MED4: variants seen among roughly 807,000 people sequenced by gnomAD.
MED4 encodes mediator complex subunit 4.
Under a neutral mutation model 35.0 loss-of-function variants are expected in MED4, and 21 were observed. The observed-to-expected ratio is 0.60, with a 90% CI of 0.43 to 0.86. The LOEUF (loss-of-function observed/expected upper bound fraction) is 0.86, where lower values mean the gene tolerates loss of function less well. Among genes scored for constraint, MED4 ranks in the 40% least tolerant of loss-of-function variants. The probability of loss-of-function intolerance (pLI) is 0.00; values close to 1 mark genes in which losing one functional copy is unlikely to be tolerated. For missense variants in MED4, 300 were observed against 319.4 expected, an observed-to-expected ratio of 0.94 and a Z score of 0.46; for synonymous variants, 138 against 114.0, an observed-to-expected ratio of 1.21 and a Z score of -1.34.
At chr13:48,092,868 T>C (rs1295859023) in intron 1 of MED4, among the ~76,000 whole-genome samples, 1 of 152,170 alleles carries the variant, frequency 6.6e-6, no homozygotes, top group African/African-American at 2.4e-5. Context: ...TCCTCTGTTC[T>C]TGCAAATCTG....
chr13:48,080,061 T>C (rs943811171), intron 5 of MED4, 86 bp from the exon 6 acceptor site: 15 of 1,456,624 alleles, frequency 1.0e-5, no homozygotes, highest in Non-Finnish European at 1.3e-5. Context: ...TTTTCGCTGG[T>C]TCATGCTGAA....
Position 48,079,877 on chromosome 13 carries a change from G to C in MED4, c.607C>G (p.Pro203Ala). 1 of 1,613,756 alleles carries C rather than the reference G, an allele frequency of 6.2e-7. No individual in the cohort carries two copies. The highest frequency in any genetic ancestry group is 8.5e-7 in the Non-Finnish European group (1 of 1,179,832). Residue 203 changes from proline (P) to alanine (A), a missense_variant, in exon 6 of 7, where the codon CCA becomes GCA. Physicochemically the swap from Pro to Ala is conservative, Grantham distance 27. Coordinates refer to ENST00000258648, the MANE Select transcript of MED4 (RefSeq NM_014166.4). ...PSTNGVNGHL[P>A]GDALAAGRLP... ...CTTCCTGCTGCAAGTGCATCTCCTG[G>C]TAAATGGCCATTCACGCCATTAGTG...
chr13:48,088,540 T>TA (rs1950869005), intron 2 of MED4, among the ~76,000 whole-genome samples: 2 of 152,258 alleles, frequency 1.3e-5, no homozygotes, highest in South Asian at 4.1e-4. Context: ...CTATAAAAGC[T>TA]GTATTATTAA....
intron 6 of MED4, 116 bp downstream of exon 6, chr13:48,079,728 C>T: frequency 8.9e-7 from 1 of 1,125,966 alleles, no homozygotes; most frequent in Non-Finnish European, 1.2e-6. Context: ...CTCAAATTTA[C>T]AAAAAAAAAA....
chr13:48,077,805 T>C (rs115004879), intron 6 of MED4, among the ~76,000 whole-genome samples: 1,874 of 152,292 alleles, frequency 0.012, 49 homozygotes, highest in African/African-American at 0.043. Flanking sequence ...GGGACTTTTT[T>C]AAAAAAATCA....
At chr13:48,080,085 A>G in intron 5 of MED4, 110 bp from the exon 6 acceptor site, 1 of 1,267,014 alleles carries the variant, frequency 7.9e-7, no homozygotes, top group Non-Finnish European at 1.1e-6. Flanking sequence ...TTCAGGCTAC[A>G]TTTTCAATTT....
At chr13:48,086,149 G>T in intron 3 of MED4, 133 bp downstream of exon 3, 1 of 769,092 alleles carries the variant, frequency 1.3e-6, no homozygotes, top group Non-Finnish European at 2.1e-6. Flanking sequence ...ACTGGCAATG[G>T]TGAGTGACAA....
intron 1 of MED4, among the ~76,000 whole-genome samples, chr13:48,090,980 A>C (rs1337428435): frequency 6.6e-6 from 1 of 152,210 alleles, no homozygotes; most frequent in African/African-American, 2.4e-5. Context: ...GGCAGAGTTG[A>C]GTTGTTACAG....
intron 5 of MED4, 141 bp downstream of exon 5, chr13:48,081,504 T>C: frequency 2.0e-6 from 1 of 493,598 alleles, no homozygotes. Flanking sequence ...TATCATTACT[T>C]ATAAACCATT....
chr13:48,085,483 GC>G (rs1348410330), intron 3 of MED4, among the ~76,000 whole-genome samples: 1 of 152,180 alleles, frequency 6.6e-6, no homozygotes, highest in African/African-American at 2.4e-5. Flanking sequence ...TAGCCACCAT[GC>G]CCGGCCTGAT....
intron 3 of MED4, among the ~76,000 whole-genome samples, chr13:48,083,843 A>G (rs114126369): frequency 0.013 from 1,920 of 152,260 alleles, 45 homozygotes; most frequent in African/African-American, 0.044. Context: ...ATTCGTTTAT[A>G]TATCAGCTCA....
intron 1 of MED4, 121 bp downstream of exon 1, chr13:48,094,833 G>A (rs1593551205): frequency 7.0e-7 from 1 of 1,427,492 alleles, no homozygotes; most frequent in South Asian, 1.3e-5. Context: ...TCATGCACCC[G>A]AAACTCCCGA....
intron 4 of MED4, among the ~76,000 whole-genome samples, chr13:48,082,688 G>A (rs1241241688): frequency 1.3e-5 from 2 of 152,186 alleles, no homozygotes; most frequent in African/African-American, 4.8e-5. Flanking sequence ...TTAGCCGGGT[G>A]TGGTGGCGGG....
chr13:48,077,112 A>G lies in MED4; in HGVS notation c.*27T>C, dbSNP rs1950765518. 1 of 1,565,466 alleles carries G rather than the reference A, an allele frequency of 6.4e-7. No individual in the cohort carries two copies. Among genetic ancestry groups the G allele is most frequent in the Non-Finnish European group, 8.7e-7 (1 of 1,155,540 alleles). ...AAGAAACAGAATTCTACAGTATTCA[A>G]TTCTGTATATTGTCTTTTAAGGTTT... is the stretch of plus-strand genomic sequence containing the variant. On this transcript the variant is annotated 3_prime_UTR_variant, in exon 7 of 7. Transcript: ENST00000258648.
rs1950758610 is a variant in MED4, at chr13:48,076,355, T to C, written c.*784A>G. On this transcript the variant is annotated 3_prime_UTR_variant, in exon 7 of 7. Coordinates refer to ENST00000258648, the MANE Select transcript of MED4 (RefSeq NM_014166.4). ...GGGAAGAAATGGTTGCTTTCCATTC[T>C]AAATCTTCACACAATCTATTCTTAA... 1 of 152,164 alleles carries C rather than the reference T, an allele frequency of 6.6e-6. No individual in the cohort carries two copies. The highest frequency in any genetic ancestry group is 2.4e-5 in the African/African-American group (1 of 41,442). The allele number at this position is 152,164 out of a possible 1,614,324, so 9.4% of individuals were successfully genotyped here. A position where few individuals can be genotyped will look rare whatever the true frequency, so the allele number is the denominator to read the frequency against.
chr13:48,079,776 G>T, intron 6 of MED4, 68 bp downstream of exon 6: 2 of 1,540,112 alleles, frequency 1.3e-6, no homozygotes, highest in Non-Finnish European at 1.8e-6. Context: ...TTTACCGCCA[G>T]ATATTCCAAC....
intron 1 of MED4, 96 bp from the exon 2 acceptor site, chr13:48,090,514 G>A (rs1222353684): frequency 1.1e-6 from 1 of 887,850 alleles, no homozygotes; most frequent in Non-Finnish European, 1.7e-6. Flanking sequence ...GTGAACTACA[G>A]CTCACCAAGA....
chr13:48,088,507 A>G (rs966142467), intron 2 of MED4, among the ~76,000 whole-genome samples: 2 of 152,244 alleles, frequency 1.3e-5, no homozygotes, highest in African/African-American at 2.4e-5. Flanking sequence ...CCCACATCGT[A>G]GGAGAAAGCT....
intron 6 of MED4, among the ~76,000 whole-genome samples, chr13:48,079,289 T>G (rs1331428842): frequency 6.6e-6 from 1 of 152,192 alleles, no homozygotes. Flanking sequence ...AAAAAAGCTA[T>G]GTTTAGAGCA....
Sources: gnomAD v4.1 joint callset for allele counts (sites outside exome capture counted in the v4.1 genomes callset) on GRCh38, gnomAD v4.1.1 for gene constraint, MANE v1.5 for transcripts, NCBI Gene and HGNC (gene_info 2026-07-23, HGNC 2026-07-21) for gene names.